OBI1: variants seen among roughly 807,000 people sequenced by gnomAD.
The protein encoded by OBI1 is ring finger protein 219.
Under a neutral mutation model 62.4 loss-of-function variants are expected in OBI1, and 59 were observed. The ratio of observed to expected loss-of-function variants is 0.95; its 90% confidence interval spans 0.77 to 1.17. The LOEUF is 1.17. Ranked by LOEUF, OBI1 falls within the 50% of genes most tolerant of loss-of-function variation. The pLI is 0.00. For synonymous variants in OBI1, 302 were observed against 292.8 expected (o/e 1.03, Z -0.32); for missense variants, 875 against 830.9 (o/e 1.05, Z -0.65).
chr13:78,658,901 C>A (rs911410282), intron 1 of OBI1, 148 bp downstream of exon 1: 2 of 642,070 alleles, frequency 3.1e-6, no homozygotes, highest in Admixed American at 2.3e-5. Flanking sequence ...TCTCCCAGGA[C>A]GCGGCCTCCC....
At chr13:78,629,304 T>C (rs1302920949) in intron 5 of OBI1, among the ~76,000 whole-genome samples, 3 of 152,076 alleles carry the variant, frequency 2.0e-5, no homozygotes, top group Admixed American at 2.0e-4. Flanking sequence ...CATTCCTGCA[T>C]ACATATTTAT....
intron 1 of OBI1, among the ~76,000 whole-genome samples, chr13:78,654,828 G>A (rs1019522358): frequency 1.3e-5 from 2 of 152,122 alleles, no homozygotes; most frequent in African/African-American, 2.4e-5. Context: ...CAAGGCTTGA[G>A]TCCCTTCCAA....
chr13:78,658,876 G>C (rs1876793245), intron 1 of OBI1, among the ~76,000 whole-genome samples, 173 bp downstream of exon 1: 1 of 152,086 alleles, frequency 6.6e-6, no homozygotes, highest in Admixed American at 6.5e-5. Context: ...CATTAATCAC[G>C]GTGCGCTACC....
chr13:78,647,013 A>T (rs1392733759), intron 1 of OBI1, among the ~76,000 whole-genome samples: 1 of 152,222 alleles, frequency 6.6e-6, no homozygotes, highest in Non-Finnish European at 1.5e-5. Flanking sequence ...CCTTGTTAAT[A>T]AAATGTTTAC....
At chr13:78,633,776 A>T (rs1398569931) in intron 5 of OBI1, among the ~76,000 whole-genome samples, 1 of 152,156 alleles carries the variant, frequency 6.6e-6, no homozygotes, top group Admixed American at 6.5e-5. Context: ...TGGAATAAAA[A>T]CTACTCCATG....
At chr13:78,642,094 A>C in intron 3 of OBI1, 28 bp downstream of exon 3, 3 of 1,375,880 alleles carry the variant, frequency 2.2e-6, no homozygotes, top group Non-Finnish European at 3.1e-6. Context: ...CACTGCTAAC[A>C]TAATTTTAAA....
At chr13:78,623,533 A>G (rs1875575912) in intron 5 of OBI1, among the ~76,000 whole-genome samples, 1 of 152,224 alleles carries the variant, frequency 6.6e-6, no homozygotes, top group African/African-American at 2.4e-5. Flanking sequence ...GAGAAGCTTA[A>G]AAGGGGCTTA....
chr13:78,649,639 A>AATG (rs1306451170), intron 1 of OBI1, among the ~76,000 whole-genome samples: 2 of 152,168 alleles, frequency 1.3e-5, no homozygotes, highest in African/African-American at 2.4e-5. Context: ...TACCAATGGG[A>AATG]ATGATAAAGA....
intron 5 of OBI1, among the ~76,000 whole-genome samples, chr13:78,631,337 A>G (rs954383113): frequency 6.6e-6 from 1 of 152,210 alleles, no homozygotes; most frequent in Non-Finnish European, 1.5e-5. Flanking sequence ...TTGCTAAGGG[A>G]AAGTACAAGT....
intron 5 of OBI1, among the ~76,000 whole-genome samples, chr13:78,623,222 C>T (rs773602458): frequency 2.0e-5 from 3 of 148,272 alleles, no homozygotes; most frequent in Non-Finnish European, 3.0e-5. Context: ...TAGTCACACG[C>T]GTTGGTTCCA....
chr13:78,651,268 C>T (rs1188936873), intron 1 of OBI1, among the ~76,000 whole-genome samples: 1 of 152,172 alleles, frequency 6.6e-6, no homozygotes, highest in African/African-American at 2.4e-5. Context: ...CCCAAGCTTC[C>T]AAATGTTCAT....
chr13:78,623,854 C>T (rs1258077727), intron 5 of OBI1, among the ~76,000 whole-genome samples: 1 of 152,172 alleles, frequency 6.6e-6, no homozygotes, highest in Non-Finnish European at 1.5e-5. Context: ...ATATTTTAGG[C>T]ATAAATCCAG....
intron 5 of OBI1, among the ~76,000 whole-genome samples, chr13:78,626,611 A>T (rs1481037962): frequency 6.6e-6 from 1 of 152,198 alleles, no homozygotes; most frequent in Non-Finnish European, 1.5e-5. Flanking sequence ...AAGAATAAAA[A>T]CAAGAGAAGC....
Position 78,634,647 on chromosome 13 carries a change from T to C in OBI1, c.638+463A>G, listed in dbSNP as rs147347475. On this transcript the variant is annotated intron_variant, in intron 5 of 5. Transcript: ENST00000282003. ...ACTTGTGAAGATTTAGGTAAATTAATTTAAACTCTTTATGCCTCCATTTTC... is the reference window on the plus strand; with the variant it reads ...ACTTGTGAAGATTTAGGTAAATTAACTTAAACTCTTTATGCCTCCATTTTC... Among the ~76,000 whole-genome samples the C allele has an allele frequency of 3.3e-5, 5 of 152,296 alleles. No individual in the cohort carries two copies. In the East Asian group the frequency reaches 9.6e-4, roughly 29 times the overall value.
intron 5 of OBI1, among the ~76,000 whole-genome samples, chr13:78,617,658 C>T (rs1237503893): frequency 3.3e-5 from 5 of 152,090 alleles, no homozygotes; most frequent in Admixed American, 6.6e-5. Flanking sequence ...CTTATTTGGG[C>T]CCTTTCAATT....
Position 78,615,506 on chromosome 13 carries a change from G to T in OBI1, c.*74C>A. 1 of 1,110,194 alleles carries T rather than the reference G, an allele frequency of 9.0e-7. No individual in the cohort carries two copies. The highest frequency in any genetic ancestry group is 1.3e-6 in the Non-Finnish European group (1 of 770,376). 68.8% of individuals were successfully genotyped at this position (1,110,194 alleles called of 1,614,324 possible). On this transcript the variant is annotated 3_prime_UTR_variant, in exon 6 of 6. Transcript: ENST00000282003. ...ATTCCAATTTGTATAGAACTTTTATGAGGAAAAAAGGTAACTTTAACAACT... is the reference window on the plus strand; with the variant it reads ...ATTCCAATTTGTATAGAACTTTTATTAGGAAAAAAGGTAACTTTAACAACT...
At chr13:78,625,668 T>G (rs189216859) in intron 5 of OBI1, among the ~76,000 whole-genome samples, 1 of 152,222 alleles carries the variant, frequency 6.6e-6, no homozygotes, top group Non-Finnish European at 1.5e-5. Flanking sequence ...CTATCCCCAA[T>G]TAAGTGAATA....
chr13:78,648,169 T>C (rs192042228), intron 1 of OBI1, among the ~76,000 whole-genome samples: 2 of 152,186 alleles, frequency 1.3e-5, no homozygotes, highest in Admixed American at 1.3e-4. Context: ...GTCCAGACCA[T>C]AATATATTCA....
chr13:78,649,727 G>C (rs1245602165), intron 1 of OBI1, among the ~76,000 whole-genome samples: 2 of 152,268 alleles, frequency 1.3e-5, no homozygotes, highest in Admixed American at 6.5e-5. Flanking sequence ...GTCAAGAGGG[G>C]AAAGGGATCC....
Sources: gnomAD v4.1 joint callset for allele counts (sites outside exome capture counted in the v4.1 genomes callset) on GRCh38, gnomAD v4.1.1 for gene constraint, MANE v1.5 for transcripts, NCBI Gene and HGNC (gene_info 2026-07-23, HGNC 2026-07-21) for gene names.